The following CDC42 variants were observed in gnomAD, a reference collection of about 807,000 sequenced individuals.
CDC42 encodes cell division cycle 42.
In CDC42, 1 loss-of-function variant was observed where a neutral mutation model predicts 20.8. The observed-to-expected ratio is 0.05, with a 90% CI of 0.02 to 0.23. The LOEUF is 0.23. Ranked by LOEUF, CDC42 falls within the 10% of genes least tolerant of loss-of-function variation. The pLI is 1.00. For synonymous variants in CDC42, 72 were observed against 84.8 expected (o/e 0.85, Z 0.83); for missense variants, 49 against 227.9 (o/e 0.21, Z 5.05).
At position 22,098,198 on chromosome 1, in the gene CDC42, T is replaced by A; in HGVS notation, c.*6681T>A. 6.6e-6 allele frequency among the ~76,000 whole-genome samples: 1 copy of A among 152,212 alleles called. No individual in the cohort carries two copies. Among genetic ancestry groups the A allele is most frequent in the East Asian group, 1.9e-4 (1 of 5,196 alleles). ...TCTTTTTATTTTGATGAAGTTTGCA[T>A]TATTACTCCTAACAACGTGCCCTTT... On this transcript the variant is annotated 3_prime_UTR_variant, in exon 6 of 6. Coordinates refer to ENST00000656825, the MANE Select transcript of CDC42 (RefSeq NM_001791.4).
intron 1 of CDC42, among the ~76,000 whole-genome samples, chr1:22,066,190 TG>T (rs1288740525): frequency 6.6e-6 from 1 of 152,192 alleles, no homozygotes; most frequent in Non-Finnish European, 1.5e-5. Flanking sequence ...TAAGCCTAGT[TG>T]TTCTCTCAGA....
intron 1 of CDC42, among the ~76,000 whole-genome samples, chr1:22,054,923 T>TATATA (rs1557890201): frequency 7.7e-4 from 10 of 12,904 alleles, no homozygotes; most frequent in African/African-American, 1.3e-3. Flanking sequence ...ATATATATAT[T>TATATA]TTTTTTTTTT....
intron 5 of CDC42, among the ~76,000 whole-genome samples, chr1:22,089,448 T>C (rs763442): frequency 0.95 from 144,079 of 152,310 alleles, 68,240 homozygotes; most frequent in East Asian, 1. Context: ...TATGCTGTTT[T>C]TAGAGTCTGT....
At chr1:22,067,574 AC>A (rs1212234132) in intron 1 of CDC42, among the ~76,000 whole-genome samples, 1 of 152,090 alleles carries the variant, frequency 6.6e-6, no homozygotes, top group Non-Finnish European at 1.5e-5. Flanking sequence ...CGAACGCCTG[AC>A]CTCAGATGAT....
intron 1 of CDC42, among the ~76,000 whole-genome samples, chr1:22,055,736 C>A (rs1645298245): frequency 6.6e-6 from 1 of 152,082 alleles, no homozygotes; most frequent in Admixed American, 6.6e-5. Flanking sequence ...CTATTTGCTC[C>A]TGTTGGCCTC....
intron 3 of CDC42, 36 bp from the exon 4 acceptor site, chr1:22,086,403 T>C (rs1178541106): frequency 7.1e-7 from 1 of 1,410,696 alleles, no homozygotes; most frequent in Admixed American, 1.9e-5. Flanking sequence ...CAAGATTCAG[T>C]TGCTGAATTC....
At chr1:22,090,041 C>A in intron 5 of CDC42, 1 of 1,613,496 alleles carries the variant, frequency 6.2e-7, no homozygotes, top group Non-Finnish European at 8.5e-7. Context: ...AAACTGTTTT[C>A]TCCTTCCCTT....
At chr1:22,066,396 ATAAAG>A (rs1645424208) in intron 1 of CDC42, among the ~76,000 whole-genome samples, 1 of 152,206 alleles carries the variant, frequency 6.6e-6, no homozygotes, top group Non-Finnish European at 1.5e-5. Context: ...ATCTATTAGA[ATAAAG>A]TAAGCATATG....
intron 5 of CDC42, among the ~76,000 whole-genome samples, chr1:22,087,204 A>T (rs1342260651): frequency 6.6e-6 from 1 of 152,110 alleles, no homozygotes; most frequent in Non-Finnish European, 1.5e-5. Context: ...TAAACACTTA[A>T]ATTTTCATCT....
intron 1 of CDC42, among the ~76,000 whole-genome samples, chr1:22,075,217 A>T (rs896358573): frequency 3.3e-5 from 5 of 152,220 alleles, no homozygotes; most frequent in Non-Finnish European, 5.9e-5. Flanking sequence ...AGCCTCCTAT[A>T]GTTTTTATTT....
At chr1:22,078,615 ATGT>A (rs769335953) in intron 2 of CDC42, 32 bp downstream of exon 2, 4 of 1,571,426 alleles carry the variant, frequency 2.5e-6, no homozygotes, top group African/African-American at 1.4e-5. Context: ...TGTTAGTAAA[ATGT>A]TGTAAAATTT....
intron 3 of CDC42, among the ~76,000 whole-genome samples, chr1:22,082,344 A>G (rs1645616299): frequency 6.6e-6 from 1 of 152,222 alleles, no homozygotes; most frequent in African/African-American, 2.4e-5. Context: ...CTTATTTTAA[A>G]CTGTATCTGA....
chr1:22,056,791 A>G (rs1053468257), intron 1 of CDC42, among the ~76,000 whole-genome samples: 1 of 152,264 alleles, frequency 6.6e-6, no homozygotes, highest in Non-Finnish European at 1.5e-5. Context: ...AAGATTTGGC[A>G]TTAGCCATTA....
Position 22,091,862 on chromosome 1 carries a change from T to C in CDC42, c.*345T>C, listed in dbSNP as rs1304917209. On this transcript the variant is annotated 3_prime_UTR_variant, in exon 6 of 6. Coordinates refer to ENST00000656825, the MANE Select transcript of CDC42 (RefSeq NM_001791.4). Reference sequence around the variant, plus strand: ...TGTGGATGACTCTGTAACAGACTAATTGGAATTGTTGAAGCTGCTCCCTGG... The same window carrying C: ...TGTGGATGACTCTGTAACAGACTAACTGGAATTGTTGAAGCTGCTCCCTGG... 3.9e-5 allele frequency: 6 copies of C among 155,546 alleles called. No homozygotes were observed. Among genetic ancestry groups the C allele is most frequent in the African/African-American group, 1.5e-4 (6 of 39,564 alleles). The allele number at this position is 155,546 out of a possible 1,614,324, so 9.6% of individuals were successfully genotyped here. A position where few individuals can be genotyped will look rare whatever the true frequency, so the allele number is the denominator to read the frequency against.
At chr1:22,072,363 C>T (rs1557899187) in intron 1 of CDC42, among the ~76,000 whole-genome samples, 1 of 152,006 alleles carries the variant, frequency 6.6e-6, no homozygotes, top group African/African-American at 2.4e-5. Flanking sequence ...TCCCAAAGTG[C>T]TGGGATTACA....
intron 1 of CDC42, among the ~76,000 whole-genome samples, chr1:22,061,268 TGTG>T (rs1169903618): frequency 6.6e-6 from 1 of 151,590 alleles, no homozygotes; most frequent in Admixed American, 6.6e-5. Flanking sequence ...ATTAGCCAGG[TGTG>T]GTGGCATGTG....
rs564909629 is a variant in CDC42, at chr1:22,086,112, C to T, written c.179-327C>T. Among the ~76,000 whole-genome samples, 6 of 152,292 alleles carry T rather than the reference C, an allele frequency of 3.9e-5. No homozygotes were observed. In the East Asian group the frequency reaches 9.6e-4, roughly 24 times the overall value. The stretch of plus-strand genomic sequence containing the variant: ...CCGCCTGTCTCGGCCTCCCAAAGTG[C>T]TGGGATTACAAGGATTGATTTTTAA... On this transcript the variant is annotated intron_variant, in intron 3 of 5. Coordinates refer to ENST00000656825, the MANE Select transcript of CDC42 (RefSeq NM_001791.4).
chr1:22,090,129 C>A (rs1570046054), intron 5 of CDC42: 1 of 1,466,392 alleles, frequency 6.8e-7, no homozygotes. Flanking sequence ...TGTTTGAAAG[C>A]CTCTGCGTCT....
Position 22,097,989 on chromosome 1 carries a change from A to G in CDC42, c.*6472A>G, listed in dbSNP as rs1045093099. On this transcript the variant is annotated 3_prime_UTR_variant, in exon 6 of 6. Transcript: ENST00000656825. ...CTAAGGTAAGTATAGCATTTTCTCA[A>G]CCCTATTACAATAGAGCACAGGATC... is the stretch of plus-strand genomic sequence containing the variant. Among the ~76,000 whole-genome samples the G allele has an allele frequency of 4.6e-5, 7 of 151,692 alleles. No individual in the cohort carries two copies. The highest frequency in any genetic ancestry group is 1.5e-4 in the African/African-American group (6 of 41,294).
Sources: gnomAD v4.1 joint callset for allele counts (sites outside exome capture counted in the v4.1 genomes callset) on GRCh38, gnomAD v4.1.1 for gene constraint, MANE v1.5 for transcripts, NCBI Gene and HGNC (gene_info 2026-07-23, HGNC 2026-07-21) for gene names.